The following ZDHHC20 variants were observed in gnomAD, a reference collection of about 807,000 sequenced individuals.
ZDHHC20 encodes the protein zDHHC palmitoyltransferase 20.
A neutral mutation model predicts 57.8 loss-of-function variants in ZDHHC20; 43 were observed. The observed-to-expected ratio is 0.74, with a 90% confidence interval of 0.58 to 0.96. The LOEUF (loss-of-function observed/expected upper bound fraction) is 0.96. Among genes scored for constraint, ZDHHC20 ranks in the 40% least tolerant of loss-of-function variants. ZDHHC20 has a pLI of 0.00. For synonymous variants in ZDHHC20, 157 were observed against 153.0 expected, an observed-to-expected ratio of 1.03 and a Z score of -0.19; for missense variants, 391 against 441.1, an observed-to-expected ratio of 0.89 and a Z score of 1.02.
intron 10 of ZDHHC20, among the ~76,000 whole-genome samples, chr13:21,382,485 A>C (rs1873599299): frequency 6.6e-6 from 1 of 152,196 alleles, no homozygotes; most frequent in Non-Finnish European, 1.5e-5. Flanking sequence ...TAATGAAAAA[A>C]ATTTGTATTT....
chr13:21,410,733 G>A (rs1435184524), intron 4 of ZDHHC20, among the ~76,000 whole-genome samples: 1 of 152,182 alleles, frequency 6.6e-6, no homozygotes, highest in East Asian at 1.9e-4. Context: ...AGCGTCCCAG[G>A]TCAACTTCAG....
chr13:21,384,086 T>G, intron 9 of ZDHHC20, among the ~76,000 whole-genome samples: 1 of 149,018 alleles, frequency 6.7e-6, no homozygotes, highest in African/African-American at 2.5e-5. Flanking sequence ...CTATGGGGGG[T>G]GGGAAACCAA....
chr13:21,416,766 C>A (rs189277972), intron 3 of ZDHHC20, among the ~76,000 whole-genome samples: 1 of 152,108 alleles, frequency 6.6e-6, no homozygotes, highest in Non-Finnish European at 1.5e-5. Context: ...GAACAGCATA[C>A]AGAAAGCACA....
At chr13:21,442,497 G>GT (rs1883277905) in intron 1 of ZDHHC20, among the ~76,000 whole-genome samples, 1 of 152,162 alleles carries the variant, frequency 6.6e-6, no homozygotes, top group Non-Finnish European at 1.5e-5. Context: ...ACTCATGCCC[G>GT]TAATCCCAGC....
At chr13:21,436,679 G>T (rs753454688) in intron 1 of ZDHHC20, among the ~76,000 whole-genome samples, 1 of 152,092 alleles carries the variant, frequency 6.6e-6, no homozygotes, top group Non-Finnish European at 1.5e-5. Context: ...CCTATTTCCG[G>T]AGACACAACA....
intron 2 of ZDHHC20, among the ~76,000 whole-genome samples, chr13:21,425,398 A>G (rs1881137349): frequency 6.6e-6 from 1 of 152,150 alleles, no homozygotes. Flanking sequence ...ATACACAAAG[A>G]AGTTTGAGTA....
At chr13:21,450,663 G>A (rs1884357894) in intron 1 of ZDHHC20, among the ~76,000 whole-genome samples, 1 of 151,972 alleles carries the variant, frequency 6.6e-6, no homozygotes, top group Non-Finnish European at 1.5e-5. Flanking sequence ...CAGGTCTTCT[G>A]GCCACTGTAT....
At chr13:21,403,186 C>T (rs1358762136) in intron 4 of ZDHHC20, among the ~76,000 whole-genome samples, 1 of 151,914 alleles carries the variant, frequency 6.6e-6, no homozygotes, top group Non-Finnish European at 1.5e-5. Flanking sequence ...TAGTAAGTCC[C>T]AGGTCCAGTG....
In ZDHHC20 at chr13:21,416,113, G is replaced by A. The variant is rs149278501; in HGVS notation, c.250-2341C>T. Among the ~76,000 whole-genome samples, 904 of 150,620 alleles carry A rather than the reference G, an allele frequency of 6.0e-3. 7 individuals carry two copies. The highest frequency in any genetic ancestry group is 0.021 in the African/African-American group (846 of 40,900). ...CCAGCTACTCGGGAGGCTGAGGCAG[G>A]AGAATTGCTTGAACCCGGGAGGTGG... is the stretch of plus-strand genomic sequence containing the variant. On this transcript the variant is annotated intron_variant, in intron 3 of 12. Coordinates refer to ENST00000400590, the MANE Select transcript of ZDHHC20 (RefSeq NM_001330059.2).
chr13:21,380,009 G>A (rs1019871978), intron 11 of ZDHHC20, among the ~76,000 whole-genome samples: 2 of 151,318 alleles, frequency 1.3e-5, no homozygotes, highest in Non-Finnish European at 2.9e-5. Flanking sequence ...TAGAGACGGG[G>A]TTTCACCATG....
At chr13:21,404,358 T>C (rs1289457000) in intron 4 of ZDHHC20, 1 of 488,320 alleles carries the variant, frequency 2.0e-6, no homozygotes, top group Non-Finnish European at 4.1e-6. Flanking sequence ...TCATAAATCA[T>C]TAATGAAAGG....
chr13:21,390,517 T>A (rs1875497406), intron 8 of ZDHHC20, among the ~76,000 whole-genome samples: 1 of 152,118 alleles, frequency 6.6e-6, no homozygotes, highest in Admixed American at 6.6e-5. Flanking sequence ...AATATGGAAA[T>A]AATGAGGCAT....
In ZDHHC20 at chr13:21,376,240, T is replaced by G. The variant is rs1410103994; in HGVS notation, c.*456A>C. The G allele has an allele frequency of 6.5e-6, 1 of 154,214 alleles. No individual in the cohort carries two copies. The highest frequency in any genetic ancestry group is 1.4e-5 in the Non-Finnish European group (1 of 69,442). The allele number at this position is 154,214 out of a possible 1,614,324, so 9.6% of individuals were successfully genotyped here. On this transcript the variant is annotated 3_prime_UTR_variant, in exon 13 of 13. Coordinates refer to ENST00000400590, the MANE Select transcript of ZDHHC20 (RefSeq NM_001330059.2). ...GTACAAGCAACAGTAATTTGAATAT[T>G]ATTCACTTTCAGCCACCATTTGCCC...
rs762422125 is a variant in ZDHHC20 at position 21,421,071 on chromosome 13, G to A, written c.239C>T (p.Pro80Leu). The stretch of plus-strand genomic sequence containing the variant: ...CAACATTAAATTTACCTCTTTGGAG[G>A]GGGAAGCGGGAGATGTGAAAATTGT... ...WMTIFTSPASPSKEFYLSNSE... is the reference protein window; with the variant it reads ...WMTIFTSPASLSKEFYLSNSE... The change falls in exon 3 of 13, where the codon CCC becomes CTC. Residue 80 changes from proline to leucine, a missense_variant. Pro to Leu is a moderately conservative substitution (Grantham distance 98). This residue lies in a region of ZDHHC20 where 185 missense variants were observed against 188.0 expected (regional missense o/e 0.98). Coordinates refer to ENST00000400590, the MANE Select transcript of ZDHHC20 (RefSeq NM_001330059.2). 1.2e-6 allele frequency: 2 copies of A among 1,612,122 alleles called. No individual in the cohort carries two copies. The highest frequency in any genetic ancestry group is 1.7e-6 in the Non-Finnish European group (2 of 1,179,104).
At position 21,414,453 on chromosome 13, in the gene ZDHHC20, C is replaced by T. The variant is rs906051092; in HGVS notation, c.250-681G>A. On this transcript the variant is annotated intron_variant, in intron 3 of 12. Transcript: ENST00000400590. The stretch of plus-strand genomic sequence containing the variant: ...TCGGCTCACTGCAAGCTCCGCCTCC[C>T]GGGTTCATGCCATTCTCCTGCCTCA... 6.0e-5 allele frequency among the ~76,000 whole-genome samples: 9 copies of T among 151,162 alleles called. No homozygotes were observed. The South Asian group carries it at 6.3e-4, about 11-fold the overall frequency.
chr13:21,406,484 A>G (rs1352217668), intron 4 of ZDHHC20, among the ~76,000 whole-genome samples: 1 of 152,132 alleles, frequency 6.6e-6, no homozygotes, highest in African/African-American at 2.4e-5. Context: ...TGCTGCACCT[A>G]TCAATCTGTC....
intron 7 of ZDHHC20, among the ~76,000 whole-genome samples, chr13:21,396,781 T>C (rs1392409724): frequency 1.3e-5 from 2 of 150,406 alleles, no homozygotes; most frequent in Non-Finnish European, 3.0e-5. Context: ...TACAGTGAGC[T>C]GAGATTGTGC....
intron 1 of ZDHHC20, among the ~76,000 whole-genome samples, chr13:21,456,837 C>G (rs968068193): frequency 6.6e-6 from 1 of 152,182 alleles, no homozygotes; most frequent in Non-Finnish European, 1.5e-5. Context: ...TAAGTGATCT[C>G]CAAAAATATG....
intron 1 of ZDHHC20, among the ~76,000 whole-genome samples, chr13:21,439,342 T>A (rs1368299799): frequency 1.3e-5 from 2 of 151,574 alleles, no homozygotes; most frequent in Admixed American, 1.3e-4. Flanking sequence ...TCTACAAAAA[T>A]TTCAAATATT....
Sources: allele counts gnomAD v4.1 joint callset (sites outside exome capture counted in the v4.1 genomes callset), GRCh38; gene constraint gnomAD v4.1.1; regional missense constraint gnomAD v4.1.1; transcripts MANE v1.5; gene names NCBI Gene and HGNC (gene_info 2026-07-23, HGNC 2026-07-21).